Variants in DNER observed in about 807,000 individuals in gnomAD.
The protein encoded by DNER is delta and Notch-like epidermal growth factor-related receptor.
Under a neutral mutation model 78.2 loss-of-function variants are expected in DNER, and 33 were observed. The ratio of observed to expected loss-of-function variants is 0.42; its 90% confidence interval spans 0.32 to 0.56. The LOEUF (loss-of-function observed/expected upper bound fraction) is 0.56, where lower values mean the gene tolerates loss of function less well. Among genes scored for constraint, DNER ranks in the 20% least tolerant of loss-of-function variants. The pLI is 0.11. For synonymous variants in DNER, 417 were observed against 384.8 expected (o/e 1.08, Z -0.98); for missense variants, 918 against 975.3 (o/e 0.94, Z 0.78).
At position 229,366,989 on chromosome 2, in the gene DNER, G is replaced by A; in HGVS notation, c.1986C>T (p.Cys662=). Residue 662 remains cysteine (C), a synonymous_variant, in exon 12 of 13, where the codon TGC becomes TGT. Transcript: ENST00000341772. The part of the protein sequence containing the change: ...LMLIILIVGI[C]RISRIEYQGS... ...CCTGGTATTCAATGCGGCTGATGCG[G>A]CAAATCCCCACGATCAGGATGATCA... 1 of 1,614,064 alleles carries A rather than the reference G, an allele frequency of 6.2e-7. No individual in the cohort carries two copies. The highest frequency in any genetic ancestry group is 1.1e-5 in the South Asian group (1 of 91,062).
intron 8 of DNER, among the ~76,000 whole-genome samples, chr2:229,434,557 ACTTT>A (rs1431418231): frequency 2.0e-5 from 3 of 152,198 alleles, no homozygotes; most frequent in African/African-American, 7.2e-5. Context: ...TTCTCTTCCA[ACTTT>A]CTTTATTAAA....
chr2:229,450,940 G>A (rs541768831), intron 7 of DNER, among the ~76,000 whole-genome samples: 4 of 152,312 alleles, frequency 2.6e-5, no homozygotes, highest in African/African-American at 4.8e-5. Context: ...ACAGGGAAGC[G>A]ATAATTAGGA....
At chr2:229,418,059 G>T in intron 9 of DNER, 49 bp downstream of exon 9, 1 of 1,613,518 alleles carries the variant, frequency 6.2e-7, no homozygotes, top group South Asian at 1.1e-5. Flanking sequence ...AGAAATACAT[G>T]ACGTCATTTA....
chr2:229,595,704 C>T (rs1179814295), intron 1 of DNER, among the ~76,000 whole-genome samples: 3 of 152,192 alleles, frequency 2.0e-5, no homozygotes, highest in Admixed American at 6.5e-5. Context: ...CACTGCTCCT[C>T]CAATGCTCCA....
At chr2:229,622,067 C>G (rs1361841582) in intron 1 of DNER, among the ~76,000 whole-genome samples, 2 of 152,112 alleles carry the variant, frequency 1.3e-5, no homozygotes, top group African/African-American at 4.8e-5. Context: ...GCCTGGGCGA[C>G]AGAGCGAGAC....
At chr2:229,687,976 C>T (rs889647978) in intron 1 of DNER, among the ~76,000 whole-genome samples, 5 of 152,178 alleles carry the variant, frequency 3.3e-5, no homozygotes, top group Non-Finnish European at 5.9e-5. Context: ...GGCAAGTTTC[C>T]GTTGTGGCAT....
intron 5 of DNER, among the ~76,000 whole-genome samples, chr2:229,518,615 T>C (rs1198954142): frequency 6.6e-6 from 1 of 152,204 alleles, no homozygotes. Context: ...GTCAAGCTTT[T>C]TACACCTAAA....
chr2:229,387,941 GCTTTTCTGTT>G (rs1321641915), intron 11 of DNER, among the ~76,000 whole-genome samples: 1 of 151,646 alleles, frequency 6.6e-6, no homozygotes, highest in African/African-American at 2.4e-5. Flanking sequence ...CGATTCTAAT[GCTTTTCTGTT>G]CAGCACATTT....
chr2:229,585,963 G>C lies in DNER; in HGVS notation c.742C>G (p.Gln248Glu). The change falls in exon 4 of 13, where the codon CAA (glutamine) becomes GAA (glutamate). Residue 248 changes from glutamine (Q) to glutamate (E), a missense_variant. Transcript: ENST00000341772. ...LLWKVTATGF[Q>E]QCSLIDGRSV... ...CGTCCATCTATGAGGGAGCACTGTT[G>C]GAATCCTGTGGCCGTGACCTTCCAG... 1 of 1,614,126 alleles carries C rather than the reference G, an allele frequency of 6.2e-7. No individual in the cohort carries two copies. Among genetic ancestry groups the C allele is most frequent in the Non-Finnish European group, 8.5e-7 (1 of 1,179,990 alleles).
At chr2:229,568,411 A>G (rs1167288350) in intron 4 of DNER, among the ~76,000 whole-genome samples, 2 of 152,196 alleles carry the variant, frequency 1.3e-5, no homozygotes, top group Admixed American at 6.5e-5. Context: ...TGCCTGCAGC[A>G]TAGGAGAGAG....
intron 4 of DNER, among the ~76,000 whole-genome samples, chr2:229,571,816 A>G (rs1195637792): frequency 6.6e-6 from 1 of 151,954 alleles, no homozygotes; most frequent in East Asian, 1.9e-4. Flanking sequence ...AAGCACGTCT[A>G]GAGTTGACTT....
At chr2:229,696,933 T>C (rs1289484894) in intron 1 of DNER, among the ~76,000 whole-genome samples, 1 of 152,236 alleles carries the variant, frequency 6.6e-6, no homozygotes, top group African/African-American at 2.4e-5. Flanking sequence ...GAAAGCCATC[T>C]GGTAGTTCCT....
chr2:229,621,794 C>T lies in DNER; in HGVS notation c.277-29906G>A, dbSNP rs549283279. The stretch of plus-strand genomic sequence containing the variant: ...GGGGTCTCAGAATCTATTGAAATTG[C>T]ATATAAAAGGGCCGGGCGCAGTGGC... On this transcript the variant is annotated intron_variant, in intron 1 of 12. Coordinates refer to ENST00000341772, the MANE Select transcript of DNER (RefSeq NM_139072.4). Among the ~76,000 whole-genome samples the T allele has an allele frequency of 1.3e-3, 201 of 152,180 alleles. 1 individual carries two copies. The highest frequency in any genetic ancestry group is 6.8e-3 in the Middle Eastern group (2 of 294).
intron 11 of DNER, 72 bp downstream of exon 11, chr2:229,388,193 T>C: frequency 2.6e-6 from 4 of 1,521,708 alleles, no homozygotes; most frequent in South Asian, 1.3e-5. Context: ...CGGCATCTTC[T>C]TCATGAAGGA....
intron 7 of DNER, among the ~76,000 whole-genome samples, chr2:229,476,112 G>C (rs6735048): frequency 0.12 from 18,986 of 151,956 alleles, 1,327 homozygotes; most frequent in South Asian, 0.2. Context: ...CCAGCACACA[G>C]AGAGAGAGAG....
chr2:229,554,771 C>T (rs1158558688), intron 4 of DNER, among the ~76,000 whole-genome samples: 1 of 151,606 alleles, frequency 6.6e-6, no homozygotes, highest in Non-Finnish European at 1.5e-5. Context: ...AGGAGGATCA[C>T]TTGAGCACAG....
rs146813937 is a variant in DNER, at chr2:229,512,879, C to G, written c.1051G>C (p.Asp351His). 1 of 1,614,146 alleles carries G rather than the reference C, an allele frequency of 6.2e-7. No individual in the cohort carries two copies. Among genetic ancestry groups the G allele is most frequent in the Admixed American group, 1.7e-5 (1 of 60,022 alleles). ...TGGCAAGGTTTCCTCTGGCAAGCATCGTATTCTTCACAGAAAGTACCCACG... is the reference window on the plus strand; with the variant it reads ...TGGCAAGGTTTCCTCTGGCAAGCATGGTATTCTTCACAGAAAGTACCCACG... ...QYVGTFCEEY[D>H]ACQRKPCQNN... The change falls in exon 6 of 13, where the codon GAT (aspartate) becomes CAT (histidine). Residue 351 changes from aspartate (D) to histidine (H), a missense_variant. Asp to His is a moderately conservative substitution (Grantham distance 81). Transcript: ENST00000341772.
At chr2:229,545,967 G>C (rs560275988) in intron 5 of DNER, among the ~76,000 whole-genome samples, 59 of 152,194 alleles carry the variant, frequency 3.9e-4, no homozygotes, top group Non-Finnish European at 7.3e-4. Context: ...GTGAATGACT[G>C]TGTTTACCTT....
intron 11 of DNER, among the ~76,000 whole-genome samples, 154 bp from the exon 12 acceptor site, chr2:229,367,273 T>C (rs1168693081): frequency 6.6e-6 from 1 of 152,126 alleles, no homozygotes; most frequent in Non-Finnish European, 1.5e-5. Flanking sequence ...AGGGTTAATA[T>C]CCTTACTACA....
Sources: allele counts gnomAD v4.1 joint callset (sites outside exome capture counted in the v4.1 genomes callset), GRCh38; gene constraint gnomAD v4.1.1; transcripts MANE v1.5; gene names NCBI Gene and HGNC (gene_info 2026-07-23, HGNC 2026-07-21).